The following GREM2 variants were observed in gnomAD, a reference collection of about 807,000 sequenced individuals.
GREM2 encodes the protein gremlin 2, DAN family BMP antagonist.
In GREM2, 11 loss-of-function variants were observed where a neutral mutation model predicts 14.2. The observed-to-expected ratio is 0.78, with a 90% CI of 0.49 to 1.28. The LOEUF is 1.28. Among genes scored for constraint, GREM2 ranks in the 50% most tolerant of loss-of-function variants. The pLI is 0.00. For synonymous variants in GREM2, 98 were observed against 97.6 expected (o/e 1.00, Z -0.02); for missense variants, 210 against 218.5 (o/e 0.96, Z 0.24).
intron 1 of GREM2, among the ~76,000 whole-genome samples, chr1:240,525,602 C>G (rs1678202805): frequency 1.3e-5 from 2 of 152,102 alleles, no homozygotes; most frequent in South Asian, 4.2e-4. Context: ...CCTCAGCCTC[C>G]CGAGTAGTTG....
chr1:240,579,380 G>C (rs952707419), intron 1 of GREM2, among the ~76,000 whole-genome samples: 9 of 152,182 alleles, frequency 5.9e-5, no homozygotes, highest in African/African-American at 2.2e-4. Context: ...GAGACCCACA[G>C]TGGCATTACG....
intron 1 of GREM2, among the ~76,000 whole-genome samples, chr1:240,557,063 A>G (rs11806704): frequency 0.22 from 33,750 of 151,598 alleles, 6,034 homozygotes; most frequent in African/African-American, 0.5. Flanking sequence ...ACAGCTACTC[A>G]GGAGGCTGAG....
intron 1 of GREM2, among the ~76,000 whole-genome samples, chr1:240,608,216 C>A (rs1680069337): frequency 6.6e-6 from 1 of 152,216 alleles, no homozygotes; most frequent in African/African-American, 2.4e-5. Flanking sequence ...CTACTCTAAT[C>A]TGGCACATGG....
At chr1:240,531,576 G>A (rs6693656) in intron 1 of GREM2, 818,351 of 887,498 alleles carry the variant, frequency 0.92, 377,523 homozygotes, top group African/African-American at 0.96. Flanking sequence ...GGAAATTAGG[G>A]AACAGAATAG....
intron 1 of GREM2, among the ~76,000 whole-genome samples, chr1:240,513,595 A>G (rs892653089): frequency 6.9e-6 from 1 of 144,260 alleles, no homozygotes; most frequent in African/African-American, 2.5e-5. Flanking sequence ...AAAAAAAAAG[A>G]AGAAGAAGAG....
chr1:240,579,666 T>A (rs1479822682), intron 1 of GREM2, among the ~76,000 whole-genome samples: 1 of 152,166 alleles, frequency 6.6e-6, no homozygotes, highest in Admixed American at 6.6e-5. Flanking sequence ...AATATGAATG[T>A]CATGGGATTG....
chr1:240,522,684 T>A (rs1558148290), intron 1 of GREM2, among the ~76,000 whole-genome samples: 1 of 152,194 alleles, frequency 6.6e-6, no homozygotes. Flanking sequence ...CTCTGGTGTT[T>A]GCTAAGACTA....
chr1:240,531,399 T>C (rs1038945943), intron 1 of GREM2, among the ~76,000 whole-genome samples: 14 of 152,254 alleles, frequency 9.2e-5, no homozygotes, highest in Admixed American at 7.2e-4. Flanking sequence ...ACAGAAACGT[T>C]GAAATTAAAC....
chr1:240,600,958 T>G (rs999968784), intron 1 of GREM2, among the ~76,000 whole-genome samples: 6 of 152,226 alleles, frequency 3.9e-5, no homozygotes, highest in African/African-American at 1.4e-4. Flanking sequence ...AAATAATTAT[T>G]ATTTCCATTT....
intron 1 of GREM2, among the ~76,000 whole-genome samples, chr1:240,547,327 T>A (rs530421999): frequency 6.6e-6 from 1 of 151,524 alleles, no homozygotes; most frequent in African/African-American, 2.4e-5. Flanking sequence ...TGCGAAACCC[T>A]GTCTCTACTA....
chr1:240,501,731 C>T (rs925061278), intron 1 of GREM2, among the ~76,000 whole-genome samples: 1 of 152,178 alleles, frequency 6.6e-6, no homozygotes, highest in Non-Finnish European at 1.5e-5. Context: ...GTTGTGACCC[C>T]GTGTGACTCA....
At chr1:240,578,494 A>G (rs1233095235) in intron 1 of GREM2, among the ~76,000 whole-genome samples, 1 of 151,378 alleles carries the variant, frequency 6.6e-6, no homozygotes, top group East Asian at 2.0e-4. Context: ...CATCTAAAAC[A>G]TGGGTATAGG....
chr1:240,609,481 A>G (rs1404418114), intron 1 of GREM2, among the ~76,000 whole-genome samples: 4 of 152,028 alleles, frequency 2.6e-5, no homozygotes, highest in Non-Finnish European at 4.4e-5. Context: ...AGCTAATCCA[A>G]GAAGAAGATG....
intron 1 of GREM2, among the ~76,000 whole-genome samples, chr1:240,506,253 G>C (rs1192982753): frequency 6.6e-6 from 1 of 152,092 alleles, no homozygotes; most frequent in Non-Finnish European, 1.5e-5. Context: ...AAGACCTCAG[G>C]CTTCATTCCT....
Position 240,567,474 on chromosome 1 carries a change from G to A in GREM2, c.-2+44410C>T, listed in dbSNP as rs530178471. On this transcript the variant is annotated intron_variant, in intron 1 of 1. Coordinates refer to ENST00000318160, the MANE Select transcript of GREM2 (RefSeq NM_022469.4). ...AACACATTATATACAGAGTAACAAAGAAAAAAGTGCATTACTCTTTGGAAA... is the reference window on the plus strand; with the variant it reads ...AACACATTATATACAGAGTAACAAAAAAAAAAGTGCATTACTCTTTGGAAA... Among the ~76,000 whole-genome samples the A allele has an allele frequency of 1.3e-3, 191 of 151,794 alleles. 1 individual carries two copies. Among genetic ancestry groups the A allele is most frequent in the African/African-American group, 4.4e-3 (182 of 41,432 alleles).
chr1:240,570,487 A>G (rs1411484965), intron 1 of GREM2, among the ~76,000 whole-genome samples: 1 of 152,154 alleles, frequency 6.6e-6, no homozygotes, highest in African/African-American at 2.4e-5. Context: ...AACCCACCAA[A>G]TTAAGCAGAA....
At chr1:240,603,465 C>CTCTCCCATCCATCTCCCATCCA (rs545104003) in intron 1 of GREM2, among the ~76,000 whole-genome samples, 2 of 151,814 alleles carry the variant, frequency 1.3e-5, no homozygotes, top group African/African-American at 2.4e-5. Flanking sequence ...GGCATGGCTC[C>CTCTCCCATCCATCTCCCATCCA]TCTCCCATCC....
rs1558152006 is a variant in GREM2 at position 240,532,640 on chromosome 1, T to TAG, written c.-1-39165_-1-39164insCT. Among the ~76,000 whole-genome samples, 275 of 104,268 alleles carry TAG rather than the reference T, an allele frequency of 2.6e-3. 1 individual carries two copies. Among genetic ancestry groups the TAG allele is most frequent in the East Asian group, 0.013 (61 of 4,528 alleles). 68.4% of individuals were successfully genotyped at this position (104,268 alleles called of 152,430 possible). A position where few individuals can be genotyped will look rare whatever the true frequency, so the allele number is the denominator to read the frequency against. On this transcript the variant is annotated intron_variant, in intron 1 of 1. Coordinates refer to ENST00000318160, the MANE Select transcript of GREM2 (RefSeq NM_022469.4). ...ATAACCACTTTATATAAGAGATATA[T>TAG]ATAGATAGATAGATAGATAGATAGA... is the stretch of plus-strand genomic sequence containing the variant.
chr1:240,492,983 A>T lies in GREM2; in HGVS notation c.493T>A (p.Ser165Thr), dbSNP rs747817028. ...CGGCCCGGCGCTCACTGCTTGTCCG[A>T]GTCGCTCAGGTTCACGGACATGCAC... The part of the protein sequence containing the change: ...CRCMSVNLSD[S>T]DKQ Residue 165 changes from serine to threonine, a missense_variant, in exon 2 of 2, where the codon TCG becomes ACG. By Grantham distance (58) the Ser-to-Thr change is moderately conservative. Transcript: ENST00000318160. 1 of 1,544,876 alleles carries T rather than the reference A, an allele frequency of 6.5e-7. No individual in the cohort carries two copies.
Sources: gnomAD v4.1 joint callset for allele counts (sites outside exome capture counted in the v4.1 genomes callset) on GRCh38, gnomAD v4.1.1 for gene constraint, MANE v1.5 for transcripts, NCBI Gene and HGNC (gene_info 2026-07-23, HGNC 2026-07-21) for gene names.